CNTNAP2: variants seen among roughly 807,000 people sequenced by gnomAD.
The protein encoded by CNTNAP2 is contactin-associated protein-like 2.
In CNTNAP2, 98 loss-of-function variants were observed where a neutral mutation model predicts 155.2. The ratio of observed to expected loss-of-function variants is 0.63; its 90% CI spans 0.54 to 0.75. The LOEUF is 0.75. Among genes scored for constraint, CNTNAP2 ranks in the 30% least tolerant of loss-of-function variants. The pLI, the probability that CNTNAP2 is intolerant of heterozygous loss-of-function variation, is 0.00. For missense variants in CNTNAP2, 1,727 were observed against 1,688.1 expected, an observed-to-expected ratio of 1.02 and a Z score of -0.40; for synonymous variants, 651 against 631.2, an observed-to-expected ratio of 1.03 and a Z score of -0.47.
chr7:147,046,831 C>T (rs973963586), intron 4 of CNTNAP2, among the ~76,000 whole-genome samples: 9 of 151,826 alleles, frequency 5.9e-5, no homozygotes, highest in African/African-American at 2.2e-4. Flanking sequence ...AGATCGAGAC[C>T]ATCCTGGATA....
At chr7:147,916,055 C>T (rs1253380424) in intron 14 of CNTNAP2, among the ~76,000 whole-genome samples, 1 of 152,120 alleles carries the variant, frequency 6.6e-6, no homozygotes, top group Non-Finnish European at 1.5e-5. Context: ...TGCCCTCTTT[C>T]GTTAGGAATT....
intron 12 of CNTNAP2, among the ~76,000 whole-genome samples, chr7:147,599,467 G>A (rs1800900165): frequency 8.3e-6 from 1 of 120,408 alleles, no homozygotes; most frequent in Admixed American, 1.0e-4. Context: ...TGGGCAACGA[G>A]TGAAACTCTG....
intron 15 of CNTNAP2, among the ~76,000 whole-genome samples, chr7:148,041,761 CA>C (rs1802680309): frequency 6.6e-6 from 1 of 152,166 alleles, no homozygotes; most frequent in Non-Finnish European, 1.5e-5. Flanking sequence ...AAAACAGTCA[CA>C]CCTTAGTCAA....
intron 8 of CNTNAP2, among the ~76,000 whole-genome samples, chr7:147,252,276 C>T (rs1004586409): frequency 3.9e-5 from 6 of 152,136 alleles, no homozygotes; most frequent in African/African-American, 1.4e-4. Flanking sequence ...TGATAGTCAG[C>T]TGAGTGGATC....
intron 1 of CNTNAP2, among the ~76,000 whole-genome samples, chr7:146,490,878 C>G (rs1044236065): frequency 6.6e-6 from 1 of 151,954 alleles, no homozygotes; most frequent in East Asian, 1.9e-4. Flanking sequence ...TGATAAATGG[C>G]GAAGCAGATA....
intron 1 of CNTNAP2, among the ~76,000 whole-genome samples, chr7:146,504,076 C>A (rs62483355): frequency 0.2 from 31,002 of 152,226 alleles, 3,815 homozygotes; most frequent in East Asian, 0.44. Flanking sequence ...GCCTGCACTA[C>A]AAACCCACTG....
intron 13 of CNTNAP2, among the ~76,000 whole-genome samples, chr7:147,818,859 T>C (rs1168332299): frequency 6.6e-6 from 1 of 152,198 alleles, no homozygotes; most frequent in African/African-American, 2.4e-5. Context: ...TTTCATTTAT[T>C]GTTATAGTTC....
At chr7:147,381,012 G>A (rs1202939854) in intron 9 of CNTNAP2, among the ~76,000 whole-genome samples, 9 of 151,760 alleles carry the variant, frequency 5.9e-5, no homozygotes, top group African/African-American at 1.9e-4. Flanking sequence ...AGTGAAAAAC[G>A]AATCTCTCAA....
At chr7:147,915,438 G>A (rs557244766) in intron 14 of CNTNAP2, among the ~76,000 whole-genome samples, 4 of 152,268 alleles carry the variant, frequency 2.6e-5, no homozygotes, top group Non-Finnish European at 2.9e-5. Context: ...GGTCTTATTC[G>A]TGCATATTAT....
chr7:147,097,172 T>C (rs1009302469), intron 4 of CNTNAP2, among the ~76,000 whole-genome samples: 9 of 152,176 alleles, frequency 5.9e-5, no homozygotes, highest in African/African-American at 2.2e-4. Context: ...GTAAAATAAA[T>C]AAAAATGACA....
At chr7:147,230,894 A>T (rs1417047420) in intron 8 of CNTNAP2, among the ~76,000 whole-genome samples, 1 of 152,182 alleles carries the variant, frequency 6.6e-6, no homozygotes, top group Non-Finnish European at 1.5e-5. Flanking sequence ...CTATTCTCAC[A>T]CTGCTATAAA....
chr7:146,955,263 C>G (rs2129228951), intron 3 of CNTNAP2, among the ~76,000 whole-genome samples: 1 of 152,088 alleles, frequency 6.6e-6, no homozygotes, highest in Middle Eastern at 3.4e-3. Flanking sequence ...TGATAACATT[C>G]ATCTTCTTTT....
At chr7:146,380,981 G>A (rs1167263000) in intron 1 of CNTNAP2, among the ~76,000 whole-genome samples, 10 of 150,556 alleles carry the variant, frequency 6.6e-5, no homozygotes, top group Non-Finnish European at 1.3e-4. Flanking sequence ...TGTATTTTTA[G>A]TAGAGACAGG....
At chr7:146,490,612 T>C (rs1311116452) in intron 1 of CNTNAP2, among the ~76,000 whole-genome samples, 1 of 152,226 alleles carries the variant, frequency 6.6e-6, no homozygotes, top group Admixed American at 6.5e-5. Flanking sequence ...TATGTAAGGT[T>C]CTGTAGTACC....
intron 1 of CNTNAP2, among the ~76,000 whole-genome samples, chr7:146,492,371 G>A (rs935410082): frequency 6.6e-5 from 10 of 152,128 alleles, no homozygotes; most frequent in African/African-American, 2.4e-4. Context: ...TGTTCATCTT[G>A]CTCATAAAAA....
At chr7:147,189,900 A>G (rs1223287415) in intron 8 of CNTNAP2, among the ~76,000 whole-genome samples, 3 of 151,976 alleles carry the variant, frequency 2.0e-5, no homozygotes, top group Admixed American at 1.3e-4. Flanking sequence ...GCCCGCCACC[A>G]CGCCCGGCTA....
At chr7:146,686,570 G>C (rs1338755438) in intron 1 of CNTNAP2, among the ~76,000 whole-genome samples, 1 of 152,080 alleles carries the variant, frequency 6.6e-6, no homozygotes, top group Admixed American at 6.6e-5. Flanking sequence ...GTAAGATCGA[G>C]GCACAGATCA....
At chr7:148,272,526 G>A (rs1377870009) in intron 21 of CNTNAP2, among the ~76,000 whole-genome samples, 1 of 152,034 alleles carries the variant, frequency 6.6e-6, no homozygotes, top group East Asian at 1.9e-4. Flanking sequence ...TGAGAGGGAT[G>A]GTTTAATATG....
At chr7:146,509,618 G>A (rs73164054) in intron 1 of CNTNAP2, among the ~76,000 whole-genome samples, 33,561 of 152,014 alleles carry the variant, frequency 0.22, 4,721 homozygotes, top group Non-Finnish European at 0.32. Flanking sequence ...CTTCCTCCTC[G>A]GTGTCAGATC....
Sources: allele counts gnomAD v4.1 joint callset (sites outside exome capture counted in the v4.1 genomes callset), GRCh38; gene constraint gnomAD v4.1.1; transcripts MANE v1.5; gene names NCBI Gene and HGNC (gene_info 2026-07-23, HGNC 2026-07-21).